The following TMEM131 variants were observed in gnomAD, a reference collection of about 807,000 sequenced individuals.
TMEM131 encodes the protein transmembrane protein 131, also known as 2610524E03Rik.
In TMEM131, 66 loss-of-function variants were observed where a neutral mutation model predicts 211.6. The ratio of observed to expected loss-of-function variants is 0.31; its 90% CI spans 0.26 to 0.38. TMEM131 has a LOEUF of 0.38. TMEM131 is among the 10% of genes least tolerant of loss of function. The probability of loss-of-function intolerance (pLI) is 1.00; values close to 1 mark genes in which losing one functional copy is unlikely to be tolerated. For missense variants in TMEM131, 2,036 were observed against 2,299.3 expected, an observed-to-expected ratio of 0.89 and a Z score of 2.34; for synonymous variants, 844 against 841.3, an observed-to-expected ratio of 1.00 and a Z score of -0.06.
At chr2:97,901,112 T>C (rs553200794) in intron 3 of TMEM131, among the ~76,000 whole-genome samples, 1 of 152,104 alleles carries the variant, frequency 6.6e-6, no homozygotes, top group Non-Finnish European at 1.5e-5. Flanking sequence ...AATATGAAAA[T>C]ACATACACAA....
intron 2 of TMEM131, chr2:97,911,793 CA>C: frequency 3.4e-6 from 1 of 295,698 alleles, no homozygotes; most frequent in Non-Finnish European, 5.0e-6. Flanking sequence ...CATGCCAACA[CA>C]TCCTTAAGTG....
chr2:97,887,502 G>A (rs1559425555), intron 4 of TMEM131, among the ~76,000 whole-genome samples: 1 of 152,258 alleles, frequency 6.6e-6, no homozygotes, highest in African/African-American at 2.4e-5. Context: ...GCTGGCCCTT[G>A]GGTATATTAG....
chr2:97,850,466 G>A lies in TMEM131; in HGVS notation c.484-6205C>T, dbSNP rs192100702. Among the ~76,000 whole-genome samples, 932 of 152,160 alleles carry A rather than the reference G, an allele frequency of 6.1e-3. 8 individuals carry two copies. Among genetic ancestry groups the A allele is most frequent in the Middle Eastern group, 0.024 (7 of 294 alleles). ...AAGCAGACAATTTAATGTTTCCTTG[G>A]TAGTGTTGAGACCACCAGTGCCATC... On this transcript the variant is annotated intron_variant, in intron 5 of 40. Coordinates refer to ENST00000186436, the MANE Select transcript of TMEM131 (RefSeq NM_015348.2).
chr2:97,898,229 T>G (rs1675697362), intron 3 of TMEM131, among the ~76,000 whole-genome samples: 1 of 152,136 alleles, frequency 6.6e-6, no homozygotes, highest in African/African-American at 2.4e-5. Flanking sequence ...GAAATGTAAA[T>G]TGTTCATTAT....
chr2:97,823,489 A>G (rs192926408), intron 11 of TMEM131, among the ~76,000 whole-genome samples: 8 of 152,308 alleles, frequency 5.3e-5, no homozygotes, highest in Admixed American at 3.9e-4. Flanking sequence ...TAATGAAAAA[A>G]ATGCGGCTTT....
At chr2:97,824,953 T>C (rs1682304361) in intron 11 of TMEM131, among the ~76,000 whole-genome samples, 1 of 152,196 alleles carries the variant, frequency 6.6e-6, no homozygotes, top group African/African-American at 2.4e-5. Context: ...TATATCCAGT[T>C]GTACCCAACC....
chr2:97,812,652 C>T lies in TMEM131; in HGVS notation c.1715G>A (p.Ser572Asn), dbSNP rs768879969. The change falls in exon 16 of 41, where the codon AGC becomes AAC. Residue 572 changes from serine to asparagine, a missense_variant. Around this residue, in one of 3 missense-constraint regions of TMEM131, gnomAD observed 1,623 missense variants for 1,805.9 expected, o/e 0.90. Transcript: ENST00000186436. The part of the protein sequence containing the change: ...ASNILFAIIN[S>N]NPIELAIKSW... ...ACAGGTTTTTACCTCAATTGGATTG[C>T]TGTTTATAATTGCAAATAAAATATT... The T allele has an allele frequency of 6.3e-7, 1 of 1,592,048 alleles. No individual in the cohort carries two copies. Among genetic ancestry groups the T allele is most frequent in the Non-Finnish European group, 8.5e-7 (1 of 1,172,044 alleles).
chr2:97,943,028 AAAGAAAAGAAAAGAAAGAAAG>A (rs1677841128), intron 1 of TMEM131, among the ~76,000 whole-genome samples: 1 of 45,412 alleles, frequency 2.2e-5, no homozygotes, highest in African/African-American at 1.0e-4. Flanking sequence ...AAAGAAAAGA[AAAGAAAAGAAAAGAAAGAAAG>A]AAAGAAAGAA....
rs368743258 is a variant in TMEM131, at chr2:97,954,353, T to C, written c.188-26866A>G. Among the ~76,000 whole-genome samples the C allele has an allele frequency of 3.3e-5, 5 of 152,238 alleles. No homozygotes were observed. In the East Asian group the frequency reaches 5.8e-4, roughly 18 times the overall value. ...GCTTCATACTATAGCCATTAGAAGATTACTAAGGGCATAGAATGAATAACT... is the reference window on the plus strand; with the variant it reads ...GCTTCATACTATAGCCATTAGAAGACTACTAAGGGCATAGAATGAATAACT... On this transcript the variant is annotated intron_variant, in intron 1 of 40. Transcript: ENST00000186436.
chr2:97,914,112 C>T (rs1676404721), intron 2 of TMEM131, among the ~76,000 whole-genome samples: 1 of 152,148 alleles, frequency 6.6e-6, no homozygotes, highest in African/African-American at 2.4e-5. Flanking sequence ...TGGATGACAT[C>T]TGTGAGGGAG....
chr2:97,986,862 C>T (rs1680048854), intron 1 of TMEM131, among the ~76,000 whole-genome samples: 1 of 152,222 alleles, frequency 6.6e-6, no homozygotes, highest in South Asian at 2.1e-4. Context: ...CACTGCTCTA[C>T]CTAATAACTT....
At chr2:97,990,446 T>C (rs1680213278) in intron 1 of TMEM131, among the ~76,000 whole-genome samples, 1 of 152,178 alleles carries the variant, frequency 6.6e-6, no homozygotes, top group Admixed American at 6.5e-5. Flanking sequence ...TGGGGTTACA[T>C]AGTTTGGCTC....
At chr2:97,831,727 C>T (rs1315527088) in intron 11 of TMEM131, among the ~76,000 whole-genome samples, 2 of 131,170 alleles carry the variant, frequency 1.5e-5, no homozygotes, top group African/African-American at 5.8e-5. Context: ...TGGAGCACAG[C>T]GGCGTGATCT....
At position 97,756,767 on chromosome 2, in the gene TMEM131, A is replaced by G. The variant is rs182559681; in HGVS notation, c.*332T>C. The G allele has an allele frequency of 3.4e-4, 64 of 186,150 alleles. 1 individual carries two copies. Among genetic ancestry groups the G allele is most frequent in the African/African-American group, 1.4e-3 (62 of 42,936 alleles). 11.5% of individuals were successfully genotyped at this position (186,150 alleles called of 1,614,324 possible). ...AATTATTTCCTTAGCTGTAATGTCAAATCTGTGTTCATACAGATAAATAAA... is the reference window on the plus strand; with the variant it reads ...AATTATTTCCTTAGCTGTAATGTCAGATCTGTGTTCATACAGATAAATAAA... On this transcript the variant is annotated 3_prime_UTR_variant, in exon 41 of 41. Coordinates refer to ENST00000186436, the MANE Select transcript of TMEM131 (RefSeq NM_015348.2).
intron 3 of TMEM131, among the ~76,000 whole-genome samples, chr2:97,905,865 C>T (rs534185407): frequency 6.6e-6 from 1 of 152,292 alleles, no homozygotes; most frequent in South Asian, 2.1e-4. Flanking sequence ...CTCTGTAGCA[C>T]AAAGCCTGTA....
chr2:97,901,519 G>T (rs929936108), intron 3 of TMEM131, among the ~76,000 whole-genome samples: 2 of 152,036 alleles, frequency 1.3e-5, no homozygotes, highest in African/African-American at 4.8e-5. Context: ...CAGTAGCAAA[G>T]ATATGAAATC....
intron 31 of TMEM131, among the ~76,000 whole-genome samples, chr2:97,784,344 T>C (rs946159856): frequency 2.6e-5 from 4 of 152,076 alleles, no homozygotes; most frequent in Admixed American, 1.3e-4. Flanking sequence ...TCAACACATT[T>C]AAAAGAAGTG....
intron 32 of TMEM131, among the ~76,000 whole-genome samples, chr2:97,773,188 G>A (rs887542401): frequency 1.3e-5 from 2 of 152,206 alleles, no homozygotes; most frequent in African/African-American, 2.4e-5. Flanking sequence ...GCCTGCCTGC[G>A]ATTGCGGCAG....
chr2:97,919,674 G>A (rs1466516130), intron 2 of TMEM131, among the ~76,000 whole-genome samples: 1 of 152,096 alleles, frequency 6.6e-6, no homozygotes, highest in Non-Finnish European at 1.5e-5. Flanking sequence ...GGGTTCAAGC[G>A]ATACTCCTGC....
Sources: gnomAD v4.1 joint callset for allele counts (sites outside exome capture counted in the v4.1 genomes callset) on GRCh38, gnomAD v4.1.1 for gene constraint, gnomAD v4.1.1 regional missense constraint, MANE v1.5 for transcripts, NCBI Gene and HGNC (gene_info 2026-07-23, HGNC 2026-07-21) for gene names.